The following AOPEP variants were observed in gnomAD, a reference collection of about 807,000 sequenced individuals.
AOPEP encodes aminopeptidase O.
In AOPEP, 77 loss-of-function variants were observed where a neutral mutation model predicts 98.1. The observed-to-expected ratio is 0.78, with a 90% CI of 0.65 to 0.95. AOPEP has a LOEUF of 0.95. Ranked by LOEUF, AOPEP falls within the 40% of genes least tolerant of loss-of-function variation. The pLI is 0.00. For synonymous variants in AOPEP, 346 were observed against 365.3 expected (o/e 0.95, Z 0.60); for missense variants, 1,024 against 1,024.7 (o/e 1.00, Z 0.01).
chr9:95,061,137 G>A (rs994673649), intron 14 of AOPEP: 2 of 216,744 alleles, frequency 9.2e-6, no homozygotes, highest in South Asian at 8.4e-5. Flanking sequence ...TGCACATTAA[G>A]GAAACTTGGC....
Position 94,964,096 on chromosome 9 carries a change from A to G in AOPEP, c.1873-3662A>G, listed in dbSNP as rs149312601. 3.3e-5 allele frequency among the ~76,000 whole-genome samples: 5 copies of G among 152,336 alleles called. No homozygotes were observed. In the East Asian group the frequency reaches 9.6e-4, roughly 29 times the overall value. On this transcript the variant is annotated intron_variant, in intron 9 of 16. Coordinates refer to ENST00000375315, the MANE Select transcript of AOPEP (RefSeq NM_001193329.3). Reference sequence around the variant, plus strand: ...GGGATGGAACACAGAACAGAAGAATATCGAACGCTATAGAAAGACATTCCC... The same window carrying G: ...GGGATGGAACACAGAACAGAAGAATGTCGAACGCTATAGAAAGACATTCCC...
chr9:95,001,957 T>TC (rs1455959555), intron 11 of AOPEP, among the ~76,000 whole-genome samples: 2 of 151,568 alleles, frequency 1.3e-5, no homozygotes, highest in Admixed American at 6.6e-5. Context: ...TTTTTTTTTT[T>TC]TGTAGAGACA....
chr9:94,760,644 C>A, intron 2 of AOPEP, 64 bp downstream of exon 2: 1 of 1,324,574 alleles, frequency 7.5e-7, no homozygotes, highest in Non-Finnish European at 1.0e-6. Context: ...GGGATGCTTT[C>A]AAACATGAGA....
chr9:95,050,956 G>A (rs569481186), intron 13 of AOPEP, among the ~76,000 whole-genome samples: 1 of 152,172 alleles, frequency 6.6e-6, no homozygotes, highest in Admixed American at 6.5e-5. Flanking sequence ...GTGTATGTGT[G>A]TGTCCATACT....
chr9:95,085,309 C>G, intron 16 of AOPEP: 4 of 482,232 alleles, frequency 8.3e-6, no homozygotes, highest in Non-Finnish European at 1.7e-5. Context: ...CTTGGCTGCT[C>G]CTCCAGAAAC....
chr9:95,013,166 T>C (rs2062697004), intron 13 of AOPEP, among the ~76,000 whole-genome samples: 1 of 152,126 alleles, frequency 6.6e-6, no homozygotes, highest in Non-Finnish European at 1.5e-5. Context: ...CCATTTATAA[T>C]AATTAATAAA....
chr9:95,114,524 C>T, the AOPEP span: 1 of 1,024,502 alleles, frequency 9.8e-7, no homozygotes, highest in African/African-American at 1.6e-5. Context: ...TGGTGATGGT[C>T]CCAGACCAGT....
chr9:95,141,480 G>C, the AOPEP span, among the ~76,000 whole-genome samples: 2 of 151,988 alleles, frequency 1.3e-5, no homozygotes, highest in Admixed American at 1.3e-4. Flanking sequence ...TCACCTATAT[G>C]ATTTGACAAC....
At chr9:94,762,189 T>G (rs1055220106) in intron 2 of AOPEP, among the ~76,000 whole-genome samples, 9 of 152,228 alleles carry the variant, frequency 5.9e-5, no homozygotes, top group African/African-American at 2.2e-4. Flanking sequence ...GGCTCACGCC[T>G]GTAATCCCAG....
chr9:95,101,451 G>A, the AOPEP span: 1 of 546,528 alleles, frequency 1.8e-6, no homozygotes, highest in Non-Finnish European at 3.3e-6. Flanking sequence ...TGACGGTCTG[G>A]CCGGGCGGGC....
chr9:95,134,336 C>T, the AOPEP span, among the ~76,000 whole-genome samples: 1 of 152,168 alleles, frequency 6.6e-6, no homozygotes, highest in South Asian at 2.1e-4. Context: ...GTTCTATGAG[C>T]TCAGGAAAAG....
At chr9:94,944,563 T>A (rs909251660) in intron 7 of AOPEP, among the ~76,000 whole-genome samples, 1 of 152,222 alleles carries the variant, frequency 6.6e-6, no homozygotes. Context: ...GTAGATTTTT[T>A]ATTTTTATTT....
rs11430177 is a variant in AOPEP at position 94,929,647 on chromosome 9, C to CT, written c.1661+1120dup. On this transcript the variant is annotated intron_variant, in intron 7 of 16. Transcript: ENST00000375315. ...CGCCCCAAAGCCATTGTTCCAGCAT[C>CT]TTTTCTCTTGGCCAATGCTGATTGA... Among the ~76,000 whole-genome samples the CT allele has an allele frequency of 8.5e-3, 1,302 of 152,370 alleles. 19 individuals carry two copies. The highest frequency in any genetic ancestry group is 0.03 in the African/African-American group (1,238 of 41,592).
chr9:95,111,057 GGGCTGCTGGGGAGCGAGACAGGGCCCT>G, the AOPEP span: 3 of 1,475,746 alleles, frequency 2.0e-6, no homozygotes, highest in African/African-American at 4.2e-5. Context: ...AGCCCTGGCC[GGGCTGCTGGGGAGCGAGACAGGGCCCT>G]GGCTGTGGCC....
At chr9:94,787,802 A>C (rs1031478721) in intron 3 of AOPEP, among the ~76,000 whole-genome samples, 3 of 152,166 alleles carry the variant, frequency 2.0e-5, no homozygotes, top group African/African-American at 7.2e-5. Flanking sequence ...TTTCCCAAGC[A>C]GCAGTCCTTT....
intron 12 of AOPEP, 101 bp from the exon 13 acceptor site, chr9:95,005,441 A>AGACCAGGTCGCGAGGCC: frequency 1.7e-6 from 2 of 1,192,930 alleles, no homozygotes; most frequent in East Asian, 4.7e-5. Context: ...GGTGCGGGGA[A>AGACCAGGTCGCGAGGCC]GACCAGGTCG....
At chr9:95,131,593 TA>T in the AOPEP span, among the ~76,000 whole-genome samples, 24 of 152,314 alleles carry the variant, frequency 1.6e-4, 1 homozygote, top group East Asian at 4.4e-3. Context: ...TCCCAGCTTT[TA>T]GCCATACACA....
intron 7 of AOPEP, among the ~76,000 whole-genome samples, chr9:94,949,766 A>G (rs2137800034): frequency 6.6e-6 from 1 of 152,336 alleles, no homozygotes; most frequent in Admixed American, 6.5e-5. Flanking sequence ...AGATAGGAAA[A>G]TTGTCACCGA....
chr9:95,091,139 C>G (rs963043584), downstream of AOPEP, among the ~76,000 whole-genome samples: 13 of 152,234 alleles, frequency 8.5e-5, 1 homozygote, highest in South Asian at 4.1e-4. Context: ...GGGCCGCTTT[C>G]AAGGGACAGT....
Sources: gnomAD v4.1 joint callset for allele counts (sites outside exome capture counted in the v4.1 genomes callset) on GRCh38, gnomAD v4.1.1 for gene constraint, MANE v1.5 for transcripts, NCBI Gene and HGNC (gene_info 2026-07-23, HGNC 2026-07-21) for gene names.